C12orf75: variants seen among roughly 807,000 people sequenced by gnomAD.
C12orf75 encodes the protein overexpressed in colon carcinoma 1 protein.
In C12orf75, 4 loss-of-function variants were observed where a neutral mutation model predicts 11.4. That is an observed-to-expected ratio of 0.35 (90% confidence interval 0.17 to 0.80). The LOEUF (loss-of-function observed/expected upper bound fraction) is 0.80, where lower values mean the gene tolerates loss of function less well. Among genes scored for constraint, C12orf75 ranks in the 30% least tolerant of loss-of-function variants. The probability of loss-of-function intolerance (pLI) is 0.52; values close to 1 mark genes in which losing one functional copy is unlikely to be tolerated. For synonymous variants in C12orf75, 30 were observed against 30.0 expected (o/e 1.00, Z 0.00); for missense variants, 89 against 80.4 (o/e 1.11, Z -0.41).
intron 5 of C12orf75, among the ~76,000 whole-genome samples, chr12:105,369,848 G>A (rs1056965155): frequency 6.6e-6 from 1 of 152,220 alleles, no homozygotes. Flanking sequence ...CCTGTGACAT[G>A]TCTGAACTCA....
intron 1 of C12orf75, among the ~76,000 whole-genome samples, chr12:105,347,679 A>G (rs1255021892): frequency 6.6e-6 from 1 of 152,212 alleles, no homozygotes; most frequent in Non-Finnish European, 1.5e-5. Flanking sequence ...ACTGACTCAA[A>G]TGTTAATCTC....
chr12:105,368,280 A>G (rs1871535262), intron 5 of C12orf75, among the ~76,000 whole-genome samples: 1 of 152,146 alleles, frequency 6.6e-6, no homozygotes, highest in African/African-American at 2.4e-5. Context: ...TGGGCTCTCC[A>G]CTGTATTTCA....
In C12orf75 at chr12:105,330,826, T is replaced by C; in HGVS notation, c.-66T>C. On this transcript the variant is annotated 5_prime_UTR_variant, in exon 1 of 6. Transcript: ENST00000443585. ...CGCTCGGGGTGCGCCGCCCTTCGTC[T>C]GGGTCTCCGCCCCCAGGACCCGCGG... 8.1e-7 allele frequency: 1 copy of C among 1,230,908 alleles called. No homozygotes were observed. The highest frequency in any genetic ancestry group is 1.0e-6 in the Non-Finnish European group (1 of 987,178). The allele number at this position is 1,230,908 out of a possible 1,614,324, so 76.2% of individuals were successfully genotyped here.
chr12:105,353,557 A>G (rs1351201702), intron 2 of C12orf75: 1 of 152,182 alleles, frequency 6.6e-6, no homozygotes, highest in Admixed American at 6.5e-5. Flanking sequence ...AAAAATTGGG[A>G]TGCCGTTACC....
chr12:105,335,253 G>A lies in C12orf75; in HGVS notation c.46+4316G>A, dbSNP rs959728048. Among the ~76,000 whole-genome samples the A allele has an allele frequency of 3.3e-5, 5 of 152,254 alleles. No individual in the cohort carries two copies. The South Asian group carries it at 6.2e-4, about 19-fold the overall frequency. ...GGGCCCAATATTTTAGATTAGTTAT[G>A]TCCTTGTCCTCAATTAGCTAGATAA... On this transcript the variant is annotated intron_variant, in intron 1 of 5. Coordinates refer to ENST00000443585, the MANE Select transcript of C12orf75 (RefSeq NM_001145199.2).
intron 2 of C12orf75, among the ~76,000 whole-genome samples, chr12:105,356,393 G>A (rs1892780360): frequency 7.0e-6 from 1 of 141,960 alleles, no homozygotes; most frequent in South Asian, 2.3e-4. Context: ...AGTAAGTTTA[G>A]CCTCTTTAGT....
chr12:105,334,120 A>G (rs1015479284), intron 1 of C12orf75, among the ~76,000 whole-genome samples: 2 of 152,222 alleles, frequency 1.3e-5, no homozygotes, highest in African/African-American at 2.4e-5. Flanking sequence ...AGGAGTAGTG[A>G]GATGGATCAG....
intron 1 of C12orf75, among the ~76,000 whole-genome samples, chr12:105,345,582 G>C (rs183532276): frequency 1.3e-5 from 2 of 151,264 alleles, no homozygotes; most frequent in Non-Finnish European, 2.9e-5. Flanking sequence ...TGTCGTTTGT[G>C]GGGGGAAATC....
chr12:105,352,402 A>G (rs1043199282), intron 2 of C12orf75, among the ~76,000 whole-genome samples: 1 of 152,156 alleles, frequency 6.6e-6, no homozygotes, highest in African/African-American at 2.4e-5. Flanking sequence ...AGAGGAGGCA[A>G]ATTTTCAGAA....
chr12:105,362,493 T>C (rs1434571985), intron 2 of C12orf75, among the ~76,000 whole-genome samples: 1 of 140,650 alleles, frequency 7.1e-6, no homozygotes, highest in African/African-American at 2.7e-5. Flanking sequence ...TGGTGAAACC[T>C]CCTGTCTACT....
At chr12:105,366,279 C>G (rs1871470917) in intron 3 of C12orf75, 1 of 263,346 alleles carries the variant, frequency 3.8e-6, no homozygotes, top group African/African-American at 2.2e-5. Context: ...GTTGACCACT[C>G]TGAATTATTG....
At chr12:105,350,952 C>T (rs924417376) in intron 2 of C12orf75, among the ~76,000 whole-genome samples, 12 of 152,138 alleles carry the variant, frequency 7.9e-5, no homozygotes, top group African/African-American at 2.9e-4. Context: ...TCAGATTTCC[C>T]TTGACTATAC....
chr12:105,331,845 A>C lies in C12orf75; in HGVS notation c.46+908A>C, dbSNP rs565387921. Among the ~76,000 whole-genome samples the C allele has an allele frequency of 2.9e-4, 44 of 152,256 alleles. 1 individual carries two copies. The South Asian group carries it at 8.9e-3, about 31-fold the overall frequency. Reference sequence around the variant, plus strand: ...TGGATAAAGAGCTCCTATCTCCTCCAATTGAAGTCAACCAGATGCCACATC... The same window carrying C: ...TGGATAAAGAGCTCCTATCTCCTCCCATTGAAGTCAACCAGATGCCACATC... On this transcript the variant is annotated intron_variant, in intron 1 of 5. Coordinates refer to ENST00000443585, the MANE Select transcript of C12orf75 (RefSeq NM_001145199.2).
intron 1 of C12orf75, among the ~76,000 whole-genome samples, chr12:105,341,804 A>G (rs1278608623): frequency 5.9e-5 from 9 of 152,156 alleles, no homozygotes; most frequent in Non-Finnish European, 1.2e-4. Flanking sequence ...TAATCCCCAC[A>G]TGTCAAGGGC....
chr12:105,350,222 C>T (rs1015578790), intron 2 of C12orf75, among the ~76,000 whole-genome samples: 9 of 152,250 alleles, frequency 5.9e-5, no homozygotes, highest in Non-Finnish European at 1.2e-4. Context: ...GACCTCTGCT[C>T]AAAACCTTTC....
At chr12:105,367,843 A>T (rs1871522004) in intron 5 of C12orf75, among the ~76,000 whole-genome samples, 1 of 152,226 alleles carries the variant, frequency 6.6e-6, no homozygotes. Flanking sequence ...GGGAGAGACC[A>T]GAGAGGCTAG....
At chr12:105,358,332 A>G (rs1009119445) in intron 2 of C12orf75, among the ~76,000 whole-genome samples, 1 of 152,182 alleles carries the variant, frequency 6.6e-6, no homozygotes, top group Non-Finnish European at 1.5e-5. Context: ...TCTAGGCAAC[A>G]TAGTGAGACT....
rs1268092420 is a variant in C12orf75, at chr12:105,330,702, G to GGCAGCCC, written c.-180_-174dup. 18 of 412,776 alleles carry GGCAGCCC rather than the reference G, an allele frequency of 4.4e-5. No homozygotes were observed. The highest frequency in any genetic ancestry group is 1.7e-3 in the Middle Eastern group (2 of 1,212). 25.6% of individuals were successfully genotyped at this position (412,776 alleles called of 1,614,324 possible). A position where few individuals can be genotyped will look rare whatever the true frequency, so the allele number is the denominator to read the frequency against. On this transcript the variant is annotated 5_prime_UTR_variant, in exon 1 of 6. Coordinates refer to ENST00000443585, the MANE Select transcript of C12orf75 (RefSeq NM_001145199.2). The stretch of plus-strand genomic sequence containing the variant: ...GAGGGGTGCCGGGTGGTTTCCGCCC[G>GGCAGCCC]GCAGCCCGCAGCCCGCTGCGCCCCG...
intron 2 of C12orf75, among the ~76,000 whole-genome samples, chr12:105,361,775 A>G (rs1430359942): frequency 1.3e-5 from 2 of 152,184 alleles, no homozygotes; most frequent in Non-Finnish European, 2.9e-5. Context: ...GCAGGACAGC[A>G]TTTGGTTCTC....
Sources: allele counts gnomAD v4.1 joint callset (sites outside exome capture counted in the v4.1 genomes callset), GRCh38; gene constraint gnomAD v4.1.1; transcripts MANE v1.5; gene names NCBI Gene and HGNC (gene_info 2026-07-23, HGNC 2026-07-21).